LRP1B: variants seen among roughly 807,000 people sequenced by gnomAD.
LRP1B encodes LDL receptor related protein 1B, also known as low-density lipoprotein receptor-related protein 1B.
In LRP1B, 217 loss-of-function variants were observed where a neutral mutation model predicts 556.6. That is an observed-to-expected ratio of 0.39 (90% confidence interval 0.35 to 0.44). The LOEUF is 0.44. LRP1B is among the 20% of genes least tolerant of loss of function. The pLI, the probability that LRP1B is intolerant of heterozygous loss-of-function variation, is 1.00. For missense variants in LRP1B, 5,053 were observed against 5,620.8 expected, an observed-to-expected ratio of 0.90 and a Z score of 3.23; for synonymous variants, 2,047 against 1,865.8, an observed-to-expected ratio of 1.10 and a Z score of -2.50.
At chr2:141,296,180 C>T (rs1686177630) in intron 3 of LRP1B, among the ~76,000 whole-genome samples, 2 of 152,066 alleles carry the variant, frequency 1.3e-5, no homozygotes, top group African/African-American at 4.8e-5. Flanking sequence ...ATAAGCTATC[C>T]TAACTCCTTA....
At chr2:140,864,332 C>A (rs1692885875) in intron 27 of LRP1B, among the ~76,000 whole-genome samples, 1 of 151,710 alleles carries the variant, frequency 6.6e-6, no homozygotes, top group East Asian at 1.9e-4. Context: ...AATAAATAAC[C>A]ATACAAGCTT....
At chr2:140,405,622 A>T (rs36121026) in intron 66 of LRP1B, among the ~76,000 whole-genome samples, 2 of 151,996 alleles carry the variant, frequency 1.3e-5, no homozygotes, top group African/African-American at 4.8e-5. Flanking sequence ...AATTCCTGTA[A>T]ACATACAATC....
At chr2:141,635,471 T>G (rs1043737837) in intron 2 of LRP1B, among the ~76,000 whole-genome samples, 7 of 152,172 alleles carry the variant, frequency 4.6e-5, no homozygotes, top group African/African-American at 1.7e-4. Flanking sequence ...CCTTTCTTCC[T>G]AAGAAAACTA....
intron 41 of LRP1B, among the ~76,000 whole-genome samples, chr2:140,624,744 A>T (rs504651): frequency 6.6e-6 from 1 of 151,894 alleles, no homozygotes; most frequent in Non-Finnish European, 1.5e-5. Flanking sequence ...AGTTTATATT[A>T]TATATTGATG....
In LRP1B at chr2:141,602,394, G is replaced by A. The variant is rs556030294; in HGVS notation, c.206-121861C>T. Among the ~76,000 whole-genome samples, 233 of 152,218 alleles carry A rather than the reference G, an allele frequency of 1.5e-3. 1 individual carries two copies. Among genetic ancestry groups the A allele is most frequent in the Non-Finnish European group, 2.7e-3 (181 of 68,010 alleles). On this transcript the variant is annotated intron_variant, in intron 2 of 90. Transcript: ENST00000389484. ...AGTGTAATCCACATATAGTTAATTA[G>A]TCAAAGATCCTTACAGTCCTATGTT...
chr2:141,029,513 C>G (rs1046916699), intron 11 of LRP1B, among the ~76,000 whole-genome samples: 20 of 152,114 alleles, frequency 1.3e-4, no homozygotes, highest in Non-Finnish European at 2.9e-4. Context: ...TGCTGTGTAA[C>G]TGCTAGCTCC....
intron 1 of LRP1B, among the ~76,000 whole-genome samples, chr2:141,970,387 G>A (rs888328308): frequency 1.3e-5 from 2 of 151,498 alleles, no homozygotes; most frequent in Admixed American, 6.6e-5. Context: ...AGAAGCAAAT[G>A]TTCAGTGATA....
intron 2 of LRP1B, among the ~76,000 whole-genome samples, chr2:141,537,967 T>C (rs1685123054): frequency 6.6e-6 from 1 of 152,178 alleles, no homozygotes; most frequent in Non-Finnish European, 1.5e-5. Flanking sequence ...CAAAAACCTG[T>C]AGGATAAAAG....
intron 63 of LRP1B, among the ~76,000 whole-genome samples, chr2:140,445,051 C>A (rs940928763): frequency 2.0e-5 from 3 of 151,948 alleles, no homozygotes; most frequent in Admixed American, 6.6e-5. Context: ...TTTAAGAAAT[C>A]ATTTCTCCTT....
chr2:141,078,208 TC>T (rs1699839367), intron 7 of LRP1B, among the ~76,000 whole-genome samples: 1 of 152,162 alleles, frequency 6.6e-6, no homozygotes, highest in African/African-American at 2.4e-5. Context: ...GTATTATCTG[TC>T]ATGAACCTAG....
At chr2:140,258,757 C>T (rs539495647) in intron 86 of LRP1B, among the ~76,000 whole-genome samples, 4 of 152,192 alleles carry the variant, frequency 2.6e-5, no homozygotes, top group East Asian at 3.9e-4. Context: ...CAGAGAAGAA[C>T]AATTGAGCAA....
chr2:141,549,332 C>T (rs1685668453), intron 2 of LRP1B, among the ~76,000 whole-genome samples: 1 of 152,082 alleles, frequency 6.6e-6, no homozygotes, highest in African/African-American at 2.4e-5. Context: ...AAAGTGAGCC[C>T]TCACTGTTAG....
chr2:140,356,735 C>T (rs1460017437), intron 74 of LRP1B, among the ~76,000 whole-genome samples: 1 of 151,754 alleles, frequency 6.6e-6, no homozygotes, highest in Non-Finnish European at 1.5e-5. Context: ...TAAGCTGTAA[C>T]ACTTTTTAAA....
At chr2:140,511,771 G>A (rs1689672505) in intron 51 of LRP1B, among the ~76,000 whole-genome samples, 1 of 152,110 alleles carries the variant, frequency 6.6e-6, no homozygotes, top group Non-Finnish European at 1.5e-5. Context: ...AGTACTGGAA[G>A]AAGTTAGAAA....
At chr2:141,282,181 A>C (rs905580251) in intron 3 of LRP1B, among the ~76,000 whole-genome samples, 6 of 152,072 alleles carry the variant, frequency 3.9e-5, no homozygotes, top group Non-Finnish European at 8.8e-5. Flanking sequence ...ATGGGATTAC[A>C]GGGGAGACTA....
intron 17 of LRP1B, among the ~76,000 whole-genome samples, chr2:140,983,028 G>GTTAT (rs1216627136): frequency 6.6e-6 from 1 of 152,022 alleles, no homozygotes; most frequent in Non-Finnish European, 1.5e-5. Flanking sequence ...CAGAAAAGGG[G>GTTAT]TTATGTTCAA....
chr2:140,899,844 T>G (rs1476661854), intron 23 of LRP1B, among the ~76,000 whole-genome samples: 1 of 152,182 alleles, frequency 6.6e-6, no homozygotes, highest in African/African-American at 2.4e-5. Context: ...AAAAGTCATT[T>G]TAATAATCAA....
chr2:141,156,794 A>T (rs1296771315), intron 7 of LRP1B, among the ~76,000 whole-genome samples: 2 of 152,146 alleles, frequency 1.3e-5, no homozygotes, highest in Admixed American at 1.3e-4. Flanking sequence ...TCTTGAGGGT[A>T]ATTTTTATTT....
intron 18 of LRP1B, among the ~76,000 whole-genome samples, chr2:140,961,447 C>T (rs1696031229): frequency 1.3e-5 from 2 of 151,968 alleles, no homozygotes; most frequent in Admixed American, 1.3e-4. Context: ...CAAAATCACC[C>T]TTTATCTGAA....
Sources: allele counts gnomAD v4.1 joint callset (sites outside exome capture counted in the v4.1 genomes callset), GRCh38; gene constraint gnomAD v4.1.1; transcripts MANE v1.5; gene names NCBI Gene and HGNC (gene_info 2026-07-23, HGNC 2026-07-21).